Variants in PCGF5 observed in about 807,000 individuals in gnomAD.
PCGF5 encodes polycomb group RING finger protein 5.
In PCGF5, 9 loss-of-function variants were observed where a neutral mutation model predicts 44.3. That is an observed-to-expected ratio of 0.20 (90% CI 0.12 to 0.35). PCGF5 has a LOEUF of 0.35. Ranked by LOEUF, PCGF5 falls within the 10% of genes least tolerant of loss-of-function variation. The pLI is 1.00. For missense variants in PCGF5, 146 were observed against 305.3 expected (o/e 0.48, Z 3.89); for synonymous variants, 95 against 102.5 (o/e 0.93, Z 0.44).
At chr10:91,159,567 C>T (rs1024827513), upstream of PCGF5, among the ~76,000 whole-genome samples, 1 of 152,220 alleles carries the variant, frequency 6.6e-6, no homozygotes. Flanking sequence ...CCTGACTGTG[C>T]TGGCACTCTG....
chr10:91,194,651 A>G (rs542273915), intron 1 of PCGF5, among the ~76,000 whole-genome samples: 5 of 152,226 alleles, frequency 3.3e-5, no homozygotes, highest in African/African-American at 1.2e-4. Flanking sequence ...GCAGTTGGAT[A>G]TGAGTCTGGA....
In PCGF5 at chr10:91,179,677, T is replaced by A. The variant is rs1191997398; in HGVS notation, c.-184+16596T>A. ...AACCATGTCCCCACAAAGGACATGA[T>A]CTTGTTCTTTCTTATGGCTGCATAG... is the stretch of plus-strand genomic sequence containing the variant. On this transcript the variant is annotated intron_variant, in intron 1 of 9. Coordinates refer to the PCGF5 transcript ENST00000614189. Among the ~76,000 whole-genome samples, 3 of 152,214 alleles carry A rather than the reference T, an allele frequency of 2.0e-5. No homozygotes were observed. In the East Asian group the frequency reaches 5.8e-4, roughly 29 times the overall value.
chr10:91,195,441 T>C (rs1306777852), intron 1 of PCGF5, among the ~76,000 whole-genome samples: 1 of 138,730 alleles, frequency 7.2e-6, no homozygotes, highest in Non-Finnish European at 1.5e-5. Flanking sequence ...ATAAATCATA[T>C]GTATATATAT....
intron 1 of PCGF5, among the ~76,000 whole-genome samples, chr10:91,213,038 T>C (rs542500088): frequency 2.6e-5 from 4 of 152,250 alleles, no homozygotes; most frequent in Non-Finnish European, 5.9e-5. Context: ...TGCTCGTCTG[T>C]ATCTTATTCT....
intron 1 of PCGF5, among the ~76,000 whole-genome samples, chr10:91,168,179 T>C (rs1843533230): frequency 6.6e-6 from 1 of 152,160 alleles, no homozygotes; most frequent in Non-Finnish European, 1.5e-5. Flanking sequence ...AGGGGGATGG[T>C]GAACCTGTCA....
In PCGF5 at chr10:91,251,289, C is replaced by T. The variant is rs775778009; in HGVS notation, c.326-3C>T. ...CTAACTTAGTTTTGTTTAAATTATACAGATGATACTTCAAAAGCTGACAAA... is the reference window on the plus strand; with the variant it reads ...CTAACTTAGTTTTGTTTAAATTATATAGATGATACTTCAAAAGCTGACAAA... On this transcript the variant is annotated splice_polypyrimidine_tract_variant and splice_region_variant and intron_variant, in intron 5 of 9. Transcript: ENST00000336126. 1 of 1,600,632 alleles carries T rather than the reference C, an allele frequency of 6.2e-7. No individual in the cohort carries two copies. Among genetic ancestry groups the T allele is most frequent in the South Asian group, 1.1e-5 (1 of 90,528 alleles).
chr10:91,206,008 C>A (rs563709781), intron 1 of PCGF5, among the ~76,000 whole-genome samples: 4 of 152,024 alleles, frequency 2.6e-5, no homozygotes, highest in Admixed American at 6.6e-5. Flanking sequence ...GGTGACGGAC[C>A]GCGACTCTGT....
At chr10:91,221,159 G>T (rs1217861563) in intron 1 of PCGF5, among the ~76,000 whole-genome samples, 1 of 152,118 alleles carries the variant, frequency 6.6e-6, no homozygotes, top group Admixed American at 6.5e-5. Flanking sequence ...GGGCTGTACC[G>T]CTGGGTCCTG....
chr10:91,195,681 C>A (rs1844121800), intron 1 of PCGF5, among the ~76,000 whole-genome samples: 1 of 151,992 alleles, frequency 6.6e-6, no homozygotes, highest in South Asian at 2.1e-4. Flanking sequence ...AAGCAATCCT[C>A]CTGCTTTGGC....
At chr10:91,159,109 A>G (rs552556705), upstream of PCGF5, among the ~76,000 whole-genome samples, 1 of 152,212 alleles carries the variant, frequency 6.6e-6, no homozygotes, top group Admixed American at 6.5e-5. Context: ...GAGGAGCACC[A>G]TATCTTCACA....
chr10:91,206,396 A>G (rs112985660), intron 1 of PCGF5, among the ~76,000 whole-genome samples: 1,939 of 152,222 alleles, frequency 0.013, 21 homozygotes, highest in African/African-American at 0.031. Context: ...AATCTCAAAA[A>G]CCAAAGAGAC....
At chr10:91,234,900 T>C (rs1845114021) in intron 2 of PCGF5, among the ~76,000 whole-genome samples, 1 of 152,232 alleles carries the variant, frequency 6.6e-6, no homozygotes, top group African/African-American at 2.4e-5. Flanking sequence ...AACTATGCTA[T>C]ACTACCTTGG....
intron 1 of PCGF5, among the ~76,000 whole-genome samples, chr10:91,191,360 G>A (rs537007717): frequency 6.6e-6 from 1 of 152,136 alleles, no homozygotes; most frequent in African/African-American, 2.4e-5. Flanking sequence ...CAGACAGCAT[G>A]GGTACACTGG....
At chr10:91,197,506 C>A (rs1472747461) in intron 1 of PCGF5, among the ~76,000 whole-genome samples, 12 of 152,164 alleles carry the variant, frequency 7.9e-5, no homozygotes, top group African/African-American at 2.4e-4. Flanking sequence ...TATTATCTAA[C>A]CCCTGATGAG....
At chr10:91,188,716 TC>T (rs1843972473) in intron 1 of PCGF5, among the ~76,000 whole-genome samples, 1 of 152,124 alleles carries the variant, frequency 6.6e-6, no homozygotes, top group Non-Finnish European at 1.5e-5. Flanking sequence ...TCTGCCAGAG[TC>T]CTCTGTTATG....
chr10:91,208,460 A>ACCTGCAG (rs1444405163), intron 1 of PCGF5, among the ~76,000 whole-genome samples: 7 of 152,180 alleles, frequency 4.6e-5, no homozygotes, highest in African/African-American at 1.7e-4. Flanking sequence ...CTGAGGGCCC[A>ACCTGCAG]GATTCTGCAT....
chr10:91,210,376 T>C (rs907274574), intron 1 of PCGF5, among the ~76,000 whole-genome samples: 1 of 152,238 alleles, frequency 6.6e-6, no homozygotes, highest in African/African-American at 2.4e-5. Flanking sequence ...GTAGCCACAC[T>C]GTGAAAACAT....
Position 91,264,487 on chromosome 10 carries a change from C to T in PCGF5, c.630C>T (p.Ile210=). 1 of 1,611,436 alleles carries T rather than the reference C, an allele frequency of 6.2e-7. No individual in the cohort carries two copies. The highest frequency in any genetic ancestry group is 8.5e-7 in the Non-Finnish European group (1 of 1,179,022). ...GGAAGGATCATACTATGGAATTCAT[C>T]TACATGACAAGATGGCGACTAAGAG... is the stretch of plus-strand genomic sequence containing the variant. ...IMGKDHTMEF[I]YMTRWRLRGE... Residue 210 remains isoleucine (I), a synonymous_variant, in exon 8 of 10, where the codon ATC becomes ATT. Coordinates refer to ENST00000336126, the MANE Select transcript of PCGF5 (RefSeq NM_032373.5).
chr10:91,208,587 A>T (rs576190982), intron 1 of PCGF5, among the ~76,000 whole-genome samples: 1 of 152,196 alleles, frequency 6.6e-6, no homozygotes, highest in East Asian at 1.9e-4. Context: ...TCCCTGTATT[A>T]GTATGAAAAA....
Sources: allele counts gnomAD v4.1 joint callset (sites outside exome capture counted in the v4.1 genomes callset), GRCh38; gene constraint gnomAD v4.1.1; transcripts MANE v1.5; gene names NCBI Gene and HGNC (gene_info 2026-07-23, HGNC 2026-07-21).